The following NALF1 variants were observed in gnomAD, a reference collection of about 807,000 sequenced individuals.
The protein encoded by NALF1 is NALCN channel auxiliary factor 1.
In NALF1, 3 loss-of-function variants were observed where a neutral mutation model predicts 48.4. The observed-to-expected ratio is 0.06, with a 90% confidence interval of 0.03 to 0.16. The LOEUF (loss-of-function observed/expected upper bound fraction) is 0.16. Among genes scored for constraint, NALF1 ranks in the 10% least tolerant of loss-of-function variants. The pLI, the probability that NALF1 is intolerant of heterozygous loss-of-function variation, is 1.00. For missense variants in NALF1, 526 were observed against 571.5 expected (o/e 0.92, Z 0.81); for synonymous variants, 262 against 245.7 (o/e 1.07, Z -0.62).
chr13:107,618,846 TCA>T (rs1208813552), intron 1 of NALF1, among the ~76,000 whole-genome samples: 1 of 152,146 alleles, frequency 6.6e-6, no homozygotes, highest in Non-Finnish European at 1.5e-5. Context: ...GAAACCAGAC[TCA>T]CAGTTTGGAG....
intron 1 of NALF1, among the ~76,000 whole-genome samples, chr13:107,641,663 T>C (rs1043663587): frequency 6.6e-5 from 10 of 152,134 alleles, no homozygotes; most frequent in South Asian, 4.1e-4. Context: ...GGCAAGATAT[T>C]ACTATTGTAA....
chr13:107,699,803 T>C (rs1881779086), intron 1 of NALF1, among the ~76,000 whole-genome samples: 1 of 152,000 alleles, frequency 6.6e-6, no homozygotes, highest in Non-Finnish European at 1.5e-5. Context: ...ACTGTTAGAA[T>C]TAATACCTGA....
chr13:107,626,474 TTTTGGAGCACTA>T (rs1262436694), intron 1 of NALF1, among the ~76,000 whole-genome samples: 3 of 152,154 alleles, frequency 2.0e-5, no homozygotes, highest in Non-Finnish European at 4.4e-5. Flanking sequence ...CTCCTGTGTT[TTTTGGAGCACTA>T]TTCACAATAG....
At chr13:107,187,815 C>A (rs1879207334) in intron 2 of NALF1, among the ~76,000 whole-genome samples, 1 of 152,132 alleles carries the variant, frequency 6.6e-6, no homozygotes, top group East Asian at 1.9e-4. Context: ...TCTGAAGATT[C>A]TCAACTCTGG....
At position 107,506,389 on chromosome 13, in the gene NALF1, T is replaced by C. The variant is rs138336654; in HGVS notation, c.916-295634A>G. ...CAAAACAAAATAGTACATTTTAAAATAAATAGCATAATTGAGATATAATTT... is the reference window on the plus strand; with the variant it reads ...CAAAACAAAATAGTACATTTTAAAACAAATAGCATAATTGAGATATAATTT... On this transcript the variant is annotated intron_variant, in intron 1 of 2. Transcript: ENST00000375915. Among the ~76,000 whole-genome samples, 148 of 152,244 alleles carry C rather than the reference T, an allele frequency of 9.7e-4. 2 individuals carry two copies. The East Asian group carries it at 0.013, about 13-fold the overall frequency.
chr13:107,451,213 G>A (rs893970524), intron 1 of NALF1, among the ~76,000 whole-genome samples: 2 of 152,036 alleles, frequency 1.3e-5, no homozygotes, highest in South Asian at 4.2e-4. Context: ...TTCTCCCCAC[G>A]CCAGGAGGCA....
intron 1 of NALF1, among the ~76,000 whole-genome samples, chr13:107,517,307 A>C (rs1330995369): frequency 6.6e-6 from 1 of 151,892 alleles, no homozygotes; most frequent in Non-Finnish European, 1.5e-5. Flanking sequence ...GGCTTAATTT[A>C]CTCCCCCATG....
At chr13:107,315,297 A>G (rs1882124995) in intron 1 of NALF1, among the ~76,000 whole-genome samples, 1 of 152,126 alleles carries the variant, frequency 6.6e-6, no homozygotes, top group Non-Finnish European at 1.5e-5. Flanking sequence ...TATCCCTCTG[A>G]GCCAGACCCT....
At chr13:107,769,862 C>T (rs1262050250) in intron 1 of NALF1, among the ~76,000 whole-genome samples, 2 of 152,124 alleles carry the variant, frequency 1.3e-5, no homozygotes, top group Non-Finnish European at 2.9e-5. Flanking sequence ...CATCAATATA[C>T]ATCCTCCAAA....
chr13:107,861,644 C>T (rs1293015949), intron 1 of NALF1, among the ~76,000 whole-genome samples: 3 of 152,086 alleles, frequency 2.0e-5, no homozygotes, highest in Non-Finnish European at 2.9e-5. Flanking sequence ...ATTAGCTAGG[C>T]GTGGTGGCGC....
intron 1 of NALF1, among the ~76,000 whole-genome samples, chr13:107,692,066 A>G (rs948703896): frequency 6.6e-6 from 1 of 152,200 alleles, no homozygotes; most frequent in African/African-American, 2.4e-5. Context: ...GACAAATGAG[A>G]ATACGACTCA....
intron 1 of NALF1, among the ~76,000 whole-genome samples, chr13:107,559,046 T>C (rs1000107927): frequency 1.1e-4 from 16 of 152,316 alleles, no homozygotes; most frequent in African/African-American, 3.8e-4. Context: ...TCCGCCTCCA[T>C]GATGGCAGGA....
chr13:107,421,536 C>G (rs1390433440), intron 1 of NALF1, among the ~76,000 whole-genome samples: 1 of 152,136 alleles, frequency 6.6e-6, no homozygotes, highest in Non-Finnish European at 1.5e-5. Flanking sequence ...ACCAGAAAGA[C>G]AGATCACAGG....
chr13:107,850,099 C>T (rs1880270893), intron 1 of NALF1, among the ~76,000 whole-genome samples: 1 of 152,124 alleles, frequency 6.6e-6, no homozygotes. Context: ...ATGCTGTGCC[C>T]TAGGCCTTAG....
intron 1 of NALF1, among the ~76,000 whole-genome samples, chr13:107,265,016 A>C (rs1346112456): frequency 6.6e-6 from 1 of 152,236 alleles, no homozygotes; most frequent in Admixed American, 6.5e-5. Context: ...TCATGTGAGA[A>C]GGCAATTTAC....
At chr13:107,694,520 G>A (rs1368768325) in intron 1 of NALF1, among the ~76,000 whole-genome samples, 1 of 152,046 alleles carries the variant, frequency 6.6e-6, no homozygotes, top group African/African-American at 2.4e-5. Context: ...GGTGGGAGGT[G>A]GAGATCTGCA....
chr13:107,543,806 C>A (rs1877061718), intron 1 of NALF1, among the ~76,000 whole-genome samples: 1 of 151,568 alleles, frequency 6.6e-6, no homozygotes, highest in East Asian at 1.9e-4. Context: ...CACATATATA[C>A]CCACATATAT....
rs1033200355 is a variant in NALF1 at position 107,667,605 on chromosome 13, A to G, written c.915+198077T>C. Among the ~76,000 whole-genome samples, 2 of 152,018 alleles carry G rather than the reference A, an allele frequency of 1.3e-5. 1 individual carries two copies. Among genetic ancestry groups the G allele is most frequent in the Admixed American group, 1.3e-4 (2 of 15,256 alleles). The stretch of plus-strand genomic sequence containing the variant: ...TGAAGGTAGAGAAGTAGTATGAAGG[A>G]AAGTGCAGTGTTAATATTCTTGGTC... On this transcript the variant is annotated intron_variant, in intron 1 of 2. Transcript: ENST00000375915.
chr13:107,560,183 C>T (rs1877605352), intron 1 of NALF1, among the ~76,000 whole-genome samples: 1 of 152,096 alleles, frequency 6.6e-6, no homozygotes, highest in African/African-American at 2.4e-5. Flanking sequence ...ATCGAATTCA[C>T]AGGTTTCCAG....
Sources: allele counts gnomAD v4.1 joint callset (sites outside exome capture counted in the v4.1 genomes callset), GRCh38; gene constraint gnomAD v4.1.1; transcripts MANE v1.5; gene names NCBI Gene and HGNC (gene_info 2026-07-23, HGNC 2026-07-21).